The following RBFOX1 variants were observed in gnomAD, a reference collection of about 807,000 sequenced individuals.
The protein encoded by RBFOX1 is RNA binding protein fox-1 homolog 1.
A neutral mutation model predicts 57.7 loss-of-function variants in RBFOX1; 8 were observed. The observed-to-expected ratio is 0.14, with a 90% CI of 0.08 to 0.25. The LOEUF is 0.25. RBFOX1 is among the 10% of genes least tolerant of loss of function. The probability of loss-of-function intolerance (pLI) is 1.00; values close to 1 mark genes in which losing one functional copy is unlikely to be tolerated. For synonymous variants in RBFOX1, 326 were observed against 222.4 expected, an observed-to-expected ratio of 1.47 and a Z score of -4.15; for missense variants, 611 against 548.5, an observed-to-expected ratio of 1.11 and a Z score of -1.14.
chr16:5,941,544 G>A (rs1211550927), intron 4 of RBFOX1, among the ~76,000 whole-genome samples: 1 of 151,852 alleles, frequency 6.6e-6, no homozygotes, highest in African/African-American at 2.4e-5. Context: ...ATTTACTGAG[G>A]GTCCCATGAG....
chr16:5,898,155 A>G (rs1456741075), intron 4 of RBFOX1, among the ~76,000 whole-genome samples: 1 of 152,070 alleles, frequency 6.6e-6, no homozygotes, highest in Non-Finnish European at 1.5e-5. Context: ...AAGCAGGAAA[A>G]ATCCTTATAA....
At chr16:7,259,793 T>G (rs775385814) in intron 4 of RBFOX1, among the ~76,000 whole-genome samples, 1 of 152,180 alleles carries the variant, frequency 6.6e-6, no homozygotes, top group Non-Finnish European at 1.5e-5. Flanking sequence ...AAATGTTTTC[T>G]TAAAAAACTA....
At chr16:6,639,520 A>G (rs146421357) in intron 2 of RBFOX1, among the ~76,000 whole-genome samples, 2 of 152,348 alleles carry the variant, frequency 1.3e-5, no homozygotes, top group African/African-American at 4.8e-5. Flanking sequence ...TTGAGAAGGA[A>G]GAACAATAAC....
At chr16:6,240,907 C>G (rs1027744339) in intron 1 of RBFOX1, among the ~76,000 whole-genome samples, 4 of 152,188 alleles carry the variant, frequency 2.6e-5, no homozygotes, top group African/African-American at 9.7e-5. Context: ...TGACCTCTCC[C>G]TGTTCACTGT....
At chr16:7,679,900 G>C (rs1272323919) in intron 14 of RBFOX1, among the ~76,000 whole-genome samples, 3 of 152,042 alleles carry the variant, frequency 2.0e-5, no homozygotes, top group African/African-American at 4.8e-5. Context: ...AAATTTAATG[G>C]GAATAGGTGA....
chr16:6,769,820 A>G (rs74601133), intron 3 of RBFOX1, among the ~76,000 whole-genome samples: 14,456 of 152,220 alleles, frequency 0.095, 741 homozygotes, highest in Admixed American at 0.13. Flanking sequence ...CAATGATGCC[A>G]CAAAACACAT....
At chr16:6,997,549 T>C (rs1484003509) in intron 3 of RBFOX1, among the ~76,000 whole-genome samples, 1 of 152,206 alleles carries the variant, frequency 6.6e-6, no homozygotes, top group African/African-American at 2.4e-5. Context: ...CAGAGTTTAA[T>C]GTGTATGCAA....
At chr16:5,630,928 C>T (rs1395679537) in intron 3 of RBFOX1, among the ~76,000 whole-genome samples, 3 of 152,158 alleles carry the variant, frequency 2.0e-5, no homozygotes. Flanking sequence ...GTTATTTTCT[C>T]CATCTATTCC....
intron 3 of RBFOX1, among the ~76,000 whole-genome samples, chr16:6,996,885 A>G (rs912257853): frequency 1.3e-5 from 2 of 152,192 alleles, no homozygotes; most frequent in Non-Finnish European, 2.9e-5. Flanking sequence ...CTGTAGTCAC[A>G]GAGTTAGAAG....
chr16:5,496,393 C>T (rs981351353), intron 2 of RBFOX1, among the ~76,000 whole-genome samples: 12 of 152,080 alleles, frequency 7.9e-5, no homozygotes, highest in Admixed American at 5.9e-4. Context: ...CTATTCTCTC[C>T]CCATTTTTAC....
chr16:5,873,841 G>A (rs1191756659), intron 4 of RBFOX1, among the ~76,000 whole-genome samples: 1 of 152,126 alleles, frequency 6.6e-6, no homozygotes, highest in African/African-American at 2.4e-5. Flanking sequence ...AGAGGAGGTA[G>A]TATGCAGACT....
rs192214387 is a variant in RBFOX1 at position 5,641,840 on chromosome 16, A to G, written c.318+42879A>G. ...ATTTTCTGTAGGAATCAAGGAGCAC[A>G]TCACAGAGCAGGGGCCATTTGAGTG... On this transcript the variant is annotated intron_variant, in intron 3 of 19. Coordinates refer to the RBFOX1 transcript ENST00000641259. 4.8e-3 allele frequency among the ~76,000 whole-genome samples: 726 copies of G among 152,354 alleles called. 2 individuals carry two copies. Among genetic ancestry groups the G allele is most frequent in the Middle Eastern group, 0.034 (10 of 294 alleles).
intron 11 of RBFOX1, among the ~76,000 whole-genome samples, chr16:7,641,799 A>C (rs1481262659): frequency 6.6e-6 from 1 of 152,158 alleles, no homozygotes; most frequent in Non-Finnish European, 1.5e-5. Context: ...ACCTTGGCCA[A>C]GTCTCCTCGC....
intron 1 of RBFOX1, among the ~76,000 whole-genome samples, chr16:5,267,835 A>G (rs2062900059): frequency 6.6e-6 from 1 of 152,144 alleles, no homozygotes; most frequent in South Asian, 2.1e-4. Flanking sequence ...TAATCCCAGC[A>G]CTTTGGGAGG....
intron 4 of RBFOX1, among the ~76,000 whole-genome samples, chr16:7,081,445 G>C (rs894841742): frequency 6.6e-6 from 1 of 152,132 alleles, no homozygotes; most frequent in Non-Finnish European, 1.5e-5. Flanking sequence ...ACTCCTCATG[G>C]GGGAATCAAA....
intron 2 of RBFOX1, among the ~76,000 whole-genome samples, chr16:6,395,461 G>A (rs1320263689): frequency 6.6e-6 from 1 of 151,990 alleles, no homozygotes; most frequent in East Asian, 1.9e-4. Context: ...TTTCTACCTT[G>A]TGACTATTGC....
At chr16:6,963,325 G>A (rs1307151726) in intron 3 of RBFOX1, among the ~76,000 whole-genome samples, 2 of 152,034 alleles carry the variant, frequency 1.3e-5, no homozygotes, top group African/African-American at 4.8e-5. Flanking sequence ...AAAATAAGTG[G>A]GGTTCTCAGC....
intron 3 of RBFOX1, among the ~76,000 whole-genome samples, chr16:6,928,120 G>C (rs2075935237): frequency 6.6e-6 from 1 of 152,116 alleles, no homozygotes; most frequent in Non-Finnish European, 1.5e-5. Flanking sequence ...TTCGGCAGAT[G>C]GCACAATTCT....
At chr16:5,898,222 T>C (rs2058214642) in intron 4 of RBFOX1, among the ~76,000 whole-genome samples, 1 of 152,178 alleles carries the variant, frequency 6.6e-6, no homozygotes, top group Non-Finnish European at 1.5e-5. Context: ...TGAGGGTAAC[T>C]TCCCCCATGA....
Sources: allele counts gnomAD v4.1 joint callset (sites outside exome capture counted in the v4.1 genomes callset), GRCh38; gene constraint gnomAD v4.1.1; transcripts MANE v1.5; gene names NCBI Gene and HGNC (gene_info 2026-07-23, HGNC 2026-07-21).